Variants in CAMTA1 observed in about 807,000 individuals in gnomAD.
The protein encoded by CAMTA1 is calmodulin binding transcription activator 1.
Under a neutral mutation model 170.9 loss-of-function variants are expected in CAMTA1, and 27 were observed. The observed-to-expected ratio is 0.16, with a 90% CI of 0.12 to 0.22. The LOEUF is 0.22. Among genes scored for constraint, CAMTA1 ranks in the 10% least tolerant of loss-of-function variants. CAMTA1 has a pLI of 1.00. For synonymous variants in CAMTA1, 833 were observed against 891.5 expected, an observed-to-expected ratio of 0.93 and a Z score of 1.17; for missense variants, 1,619 against 2,217.2, an observed-to-expected ratio of 0.73 and a Z score of 5.42.
chr1:7,733,559 T>C (rs1176648899), intron 12 of CAMTA1, among the ~76,000 whole-genome samples: 1 of 152,180 alleles, frequency 6.6e-6, no homozygotes, highest in Non-Finnish European at 1.5e-5. Context: ...TACATTTCAT[T>C]TAGGAAGTTC....
In CAMTA1 at chr1:6,903,119, A is replaced by C. The variant is rs559388907; in HGVS notation, c.234+77909A>C. ...ACTGCTGAGTAATAAAAAAGAATGA[A>C]CTACTGTTAACAACCATATGGATGG... On this transcript the variant is annotated intron_variant, in intron 3 of 22. Transcript: ENST00000303635. Among the ~76,000 whole-genome samples, 3 of 152,372 alleles carry C rather than the reference A, an allele frequency of 2.0e-5. No homozygotes were observed. The East Asian group carries it at 5.8e-4, about 29-fold the overall frequency.
intron 1 of CAMTA1, among the ~76,000 whole-genome samples, chr1:6,806,116 C>G (rs1455120581): frequency 1.3e-5 from 2 of 152,150 alleles, no homozygotes; most frequent in Admixed American, 6.5e-5. Flanking sequence ...GTTGAAAAGA[C>G]CATTCTTTCC....
chr1:7,575,694 G>A (rs1197800182), intron 6 of CAMTA1, among the ~76,000 whole-genome samples: 1 of 152,242 alleles, frequency 6.6e-6, no homozygotes, highest in Non-Finnish European at 1.5e-5. Flanking sequence ...GGGAAAGAGT[G>A]CAGTGATTGA....
chr1:7,141,657 G>C (rs1307986982), intron 4 of CAMTA1, among the ~76,000 whole-genome samples: 3 of 152,234 alleles, frequency 2.0e-5, no homozygotes, highest in Non-Finnish European at 4.4e-5. Flanking sequence ...GTCCTACCAT[G>C]CACCTACTCT....
At chr1:7,627,011 A>T (rs932979176) in intron 6 of CAMTA1, among the ~76,000 whole-genome samples, 2 of 152,190 alleles carry the variant, frequency 1.3e-5, no homozygotes, top group Admixed American at 1.3e-4. Flanking sequence ...TGCCTGTATC[A>T]TCTGGATGAG....
intron 4 of CAMTA1, among the ~76,000 whole-genome samples, chr1:7,098,609 A>G (rs1028766107): frequency 1.3e-5 from 2 of 152,194 alleles, no homozygotes; most frequent in Non-Finnish European, 2.9e-5. Flanking sequence ...CAGTCTCTGC[A>G]TGGAAATAGG....
intron 6 of CAMTA1, among the ~76,000 whole-genome samples, chr1:7,475,525 C>T (rs75735962): frequency 1.8e-4 from 27 of 152,210 alleles, no homozygotes; most frequent in Non-Finnish European, 2.4e-4. Context: ...CGCACCATCC[C>T]GCAGCCCAGC....
chr1:7,648,260 C>T (rs899364537), intron 7 of CAMTA1, among the ~76,000 whole-genome samples: 1 of 151,944 alleles, frequency 6.6e-6, no homozygotes, highest in African/African-American at 2.4e-5. Context: ...GGCATGGTGG[C>T]AGGTGCCTGT....
chr1:7,411,795 A>C (rs1410214156), intron 5 of CAMTA1, among the ~76,000 whole-genome samples: 1 of 151,858 alleles, frequency 6.6e-6, no homozygotes, highest in African/African-American at 2.4e-5. Context: ...TTTAGGGTAC[A>C]TGTGCACAAT....
At chr1:7,266,377 C>A (rs1468217443) in intron 5 of CAMTA1, among the ~76,000 whole-genome samples, 1 of 152,204 alleles carries the variant, frequency 6.6e-6, no homozygotes. Context: ...GACCCCAGAG[C>A]CCTTTCCCTC....
At chr1:7,131,417 C>T (rs1429785822) in intron 4 of CAMTA1, among the ~76,000 whole-genome samples, 1 of 151,960 alleles carries the variant, frequency 6.6e-6, no homozygotes, top group Non-Finnish European at 1.5e-5. Flanking sequence ...AGATTTTCTC[C>T]TAGGTTTACA....
intron 5 of CAMTA1, among the ~76,000 whole-genome samples, chr1:7,367,168 C>T (rs887833782): frequency 6.6e-6 from 1 of 152,210 alleles, no homozygotes; most frequent in African/African-American, 2.4e-5. Flanking sequence ...GCTGGAGCCT[C>T]TTTTGACTGG....
chr1:6,862,284 T>C lies in CAMTA1; in HGVS notation c.234+37074T>C, dbSNP rs909926646. Among the ~76,000 whole-genome samples the C allele has an allele frequency of 2.6e-5, 4 of 152,216 alleles. No individual in the cohort carries two copies. In the East Asian group the frequency reaches 5.8e-4, roughly 22 times the overall value. On this transcript the variant is annotated intron_variant, in intron 3 of 22. Coordinates refer to ENST00000303635, the MANE Select transcript of CAMTA1 (RefSeq NM_015215.4). ...CACCACGCCCAGCCTAGTATTTGTC[T>C]TTTTTTGTGACTGGTCTATTTCATT... is the stretch of plus-strand genomic sequence containing the variant.
intron 3 of CAMTA1, among the ~76,000 whole-genome samples, chr1:6,975,126 C>T (rs1425045867): frequency 6.6e-6 from 1 of 152,162 alleles, no homozygotes; most frequent in African/African-American, 2.4e-5. Flanking sequence ...GGGCCTGCCT[C>T]GAGTCACACC....
intron 3 of CAMTA1, among the ~76,000 whole-genome samples, chr1:6,845,447 A>G (rs568558364): frequency 2.0e-5 from 3 of 152,354 alleles, no homozygotes; most frequent in Admixed American, 2.0e-4. Context: ...AGAAAATTCT[A>G]GCCTAACCAA....
rs1482413689 is a variant in CAMTA1 at position 7,251,851 on chromosome 1, C to T, written c.438+2225C>T. On this transcript the variant is annotated intron_variant, in intron 5 of 22. Coordinates refer to ENST00000303635, the MANE Select transcript of CAMTA1 (RefSeq NM_015215.4). This position sits in a 1 kb window ranked among gnomAD's most constrained non-coding sequence, Gnocchi z 5.1. ...GCTGAGCCCTTAAAGTCGGGTGGGACTCTGTGTGTGTGTATATATGTTTGT... is the reference window on the plus strand; with the variant it reads ...GCTGAGCCCTTAAAGTCGGGTGGGATTCTGTGTGTGTGTATATATGTTTGT... Among the ~76,000 whole-genome samples, 1 of 151,868 alleles carries T rather than the reference C, an allele frequency of 6.6e-6. No individual in the cohort carries two copies. Among genetic ancestry groups the T allele is most frequent in the Admixed American group, 6.6e-5 (1 of 15,240 alleles).
intron 5 of CAMTA1, among the ~76,000 whole-genome samples, chr1:7,446,817 G>A (rs1254225709): frequency 1.1e-4 from 16 of 152,204 alleles, no homozygotes; most frequent in Non-Finnish European, 1.5e-5. Flanking sequence ...GAGGGGAGGG[G>A]TGCTCCCCTG....
intron 6 of CAMTA1, among the ~76,000 whole-genome samples, chr1:7,552,400 C>G: frequency 6.6e-6 from 1 of 152,234 alleles, no homozygotes; most frequent in Middle Eastern, 3.2e-3. Context: ...ACCCAGGAGC[C>G]ATTCCCAGTT....
Position 7,681,389 on chromosome 1 carries a change from G to A in CAMTA1, c.2914+3656G>A, listed in dbSNP as rs1576824920. ...AGCCTGAGCAGGGTTAGCCCGGGAA[G>A]AGGGGGCATCAAGGGTGGCAGGAGA... On this transcript the variant is annotated intron_variant, in intron 11 of 22. Coordinates refer to ENST00000303635, the MANE Select transcript of CAMTA1 (RefSeq NM_015215.4). This position sits in a 1 kb window ranked among gnomAD's most constrained non-coding sequence, Gnocchi z 4.6. 6.6e-6 allele frequency among the ~76,000 whole-genome samples: 1 copy of A among 152,242 alleles called. No homozygotes were observed. The highest frequency in any genetic ancestry group is 1.5e-5 in the Non-Finnish European group (1 of 68,044).
Sources: gnomAD v4.1 joint callset for allele counts (sites outside exome capture counted in the v4.1 genomes callset) on GRCh38, gnomAD v4.1.1 for gene constraint, Gnocchi (gnomAD v3.1) non-coding constraint, MANE v1.5 for transcripts, NCBI Gene and HGNC (gene_info 2026-07-23, HGNC 2026-07-21) for gene names.